GALNT16: variants seen among roughly 807,000 people sequenced by gnomAD.
GALNT16 encodes the protein UDP-GalNAc:polypeptide N-acetylgalactosaminyltransferase-like protein 1.
In GALNT16, 40 loss-of-function variants were observed where a neutral mutation model predicts 76.1. The ratio of observed to expected loss-of-function variants is 0.53; its 90% CI spans 0.41 to 0.68. GALNT16 has a LOEUF of 0.68. Ranked by LOEUF, GALNT16 falls within the 30% of genes least tolerant of loss-of-function variation. GALNT16 has a pLI of 0.00. For missense variants in GALNT16, 621 were observed against 731.9 expected (o/e 0.85, Z 1.75); for synonymous variants, 276 against 285.2 (o/e 0.97, Z 0.32).
intron 2 of GALNT16, among the ~76,000 whole-genome samples, chr14:69,321,753 C>T (rs1192286213): frequency 6.6e-6 from 1 of 152,252 alleles, no homozygotes; most frequent in Non-Finnish European, 1.5e-5. Flanking sequence ...GTCCTCTCCT[C>T]CATGGAAGGC....
At chr14:69,322,924 GGGTGT>G (rs1425957192) in intron 2 of GALNT16, among the ~76,000 whole-genome samples, 12 of 104,710 alleles carry the variant, frequency 1.1e-4, no homozygotes, top group East Asian at 1.1e-3. Flanking sequence ...GTGGCTCACG[GGGTGT>G]GTGTGTGTGT....
chr14:69,284,192 A>T (rs538085015), intron 1 of GALNT16, among the ~76,000 whole-genome samples: 15 of 152,222 alleles, frequency 9.9e-5, no homozygotes, highest in Non-Finnish European at 1.3e-4. Context: ...CGAGAAAGGG[A>T]TGCCTGCTCT....
chr14:69,379,910 T>A, the GALNT16 span, among the ~76,000 whole-genome samples: 61 of 152,322 alleles, frequency 4.0e-4, no homozygotes, highest in Admixed American at 1.2e-3. Context: ...CAATAGTAGG[T>A]ACAAACCTTG....
chr14:69,380,350 AAG>A, the GALNT16 span: 1 of 425,638 alleles, frequency 2.3e-6, no homozygotes, highest in African/African-American at 2.0e-5. Flanking sequence ...AAGAAAGAGA[AAG>A]AAAAAGAGGA....
chr14:69,276,541 T>G (rs1367255162), intron 1 of GALNT16, among the ~76,000 whole-genome samples: 1 of 151,566 alleles, frequency 6.6e-6, no homozygotes, highest in Non-Finnish European at 1.5e-5. Context: ...ATTAGCTGGG[T>G]GTGGTGGTGT....
intron 9 of GALNT16, among the ~76,000 whole-genome samples, chr14:69,337,109 C>T (rs1474717449): frequency 6.6e-6 from 1 of 152,116 alleles, no homozygotes; most frequent in Admixed American, 6.5e-5. Flanking sequence ...TTCTCACTTC[C>T]CTGCTAGAGT....
intron 1 of GALNT16, among the ~76,000 whole-genome samples, chr14:69,312,427 A>G (rs1052479879): frequency 6.6e-6 from 1 of 152,130 alleles, no homozygotes; most frequent in African/African-American, 2.4e-5. Flanking sequence ...TTGGGGCCTC[A>G]GTTGCCTTGA....
rs1202828407 is a variant in GALNT16 at position 69,353,941 on chromosome 14, GT to G, written c.*1776del. 6.6e-6 allele frequency: 1 copy of G among 152,550 alleles called. No homozygotes were observed. The highest frequency in any genetic ancestry group is 1.5e-5 in the Non-Finnish European group (1 of 68,296). The allele number at this position is 152,550 out of a possible 1,614,324, so 9.4% of individuals were successfully genotyped here. On this transcript the variant is annotated 3_prime_UTR_variant, in exon 15 of 15. Transcript: ENST00000448469. ...ACCTGCTCTGGAGGGCTCTCCAGCAGTTTCGCCTCCTGACTCTCACCAGCGT... is the reference window on the plus strand; with the variant it reads ...ACCTGCTCTGGAGGGCTCTCCAGCAGTTCGCCTCCTGACTCTCACCAGCGT...
chr14:69,288,363 G>A (rs958753604), intron 1 of GALNT16, among the ~76,000 whole-genome samples: 3 of 152,242 alleles, frequency 2.0e-5, no homozygotes, highest in East Asian at 3.8e-4. Flanking sequence ...CCAGAAGGCA[G>A]TTGGAACAGG....
At chr14:69,274,555 G>A (rs866811139) in intron 1 of GALNT16, among the ~76,000 whole-genome samples, 16 of 152,114 alleles carry the variant, frequency 1.1e-4, no homozygotes, top group Non-Finnish European at 8.8e-5. Context: ...TTCTCCACGT[G>A]GGTCTCCACA....
chr14:69,376,236 C>T, the GALNT16 span, among the ~76,000 whole-genome samples: 477 of 152,222 alleles, frequency 3.1e-3, 4 homozygotes, highest in African/African-American at 0.011. Context: ...ATGGTAAATC[C>T]ATAGTAGCCT....
chr14:69,336,587 T>A (rs2045418115), intron 9 of GALNT16, among the ~76,000 whole-genome samples: 1 of 152,238 alleles, frequency 6.6e-6, no homozygotes, highest in South Asian at 2.1e-4. Flanking sequence ...CAGCCTGGTT[T>A]AAAACATAGT....
At chr14:69,278,150 A>G (rs1400493103) in intron 1 of GALNT16, among the ~76,000 whole-genome samples, 2 of 152,084 alleles carry the variant, frequency 1.3e-5, no homozygotes, top group Admixed American at 6.6e-5. Context: ...CTAGGACTAC[A>G]GGTGCACACC....
At position 69,326,431 on chromosome 14, in the gene GALNT16, T is replaced by C. The variant is rs1484511310; in HGVS notation, c.568+404T>C. ...TACAGCGTGGCATTGTGCATGGCAC[T>C]CTAGGGGACACGAAGGAAGTACAAA... is the stretch of plus-strand genomic sequence containing the variant. On this transcript the variant is annotated intron_variant, in intron 5 of 14. Coordinates refer to ENST00000448469, the MANE Select transcript of GALNT16 (RefSeq NM_001168368.2). 3.9e-5 allele frequency among the ~76,000 whole-genome samples: 6 copies of C among 152,314 alleles called. No individual in the cohort carries two copies. In the East Asian group the frequency reaches 1.2e-3, roughly 29 times the overall value.
At chr14:69,270,268 G>A (rs1466134141) in intron 1 of GALNT16, among the ~76,000 whole-genome samples, 1 of 152,144 alleles carries the variant, frequency 6.6e-6, no homozygotes, top group Non-Finnish European at 1.5e-5. Flanking sequence ...TCGGGCAGGT[G>A]GTTGATAAAA....
At chr14:69,305,317 C>T (rs1352036226) in intron 1 of GALNT16, among the ~76,000 whole-genome samples, 2 of 152,046 alleles carry the variant, frequency 1.3e-5, no homozygotes, top group African/African-American at 2.4e-5. Flanking sequence ...ACATGTGCCA[C>T]CATACCTGGC....
At position 69,352,018 on chromosome 14, in the gene GALNT16, C is replaced by T; in HGVS notation, c.1540-13C>T. On this transcript the variant is annotated splice_polypyrimidine_tract_variant and intron_variant, in intron 14 of 14. Coordinates refer to ENST00000448469, the MANE Select transcript of GALNT16 (RefSeq NM_001168368.2). Reference sequence around the variant, plus strand: ...TTCTCCTTCCTCTTCTAACCCATCTCTGTTCCTCCTAGAAATGGAGGAGAA... The same window carrying T: ...TTCTCCTTCCTCTTCTAACCCATCTTTGTTCCTCCTAGAAATGGAGGAGAA... 1.2e-6 allele frequency: 2 copies of T among 1,605,758 alleles called. No homozygotes were observed. The highest frequency in any genetic ancestry group is 1.7e-6 in the Non-Finnish European group (2 of 1,175,512).
At chr14:69,320,991 T>G in intron 2 of GALNT16, 123 bp downstream of exon 2, 1 of 1,034,060 alleles carries the variant, frequency 9.7e-7, no homozygotes, top group Non-Finnish European at 1.4e-6. Flanking sequence ...GTCCAGTGAT[T>G]TAGACATTCA....
chr14:69,308,227 T>A (rs2044967002), intron 1 of GALNT16, among the ~76,000 whole-genome samples: 1 of 151,416 alleles, frequency 6.6e-6, no homozygotes, highest in South Asian at 2.1e-4. Flanking sequence ...AATCCTTTTA[T>A]CTTAGGTAGA....
Sources: allele counts gnomAD v4.1 joint callset (sites outside exome capture counted in the v4.1 genomes callset), GRCh38; gene constraint gnomAD v4.1.1; transcripts MANE v1.5; gene names NCBI Gene and HGNC (gene_info 2026-07-23, HGNC 2026-07-21).